AAGAB: variants seen among roughly 807,000 people sequenced by gnomAD.
AAGAB encodes the protein alpha- and gamma-adaptin-binding protein p34.
AAGAB carries 38 observed loss-of-function variants against 44.1 expected under a neutral mutation model. That is an observed-to-expected ratio of 0.86 (90% CI 0.67 to 1.13). The LOEUF is 1.13. Among genes scored for constraint, AAGAB ranks in the 50% most tolerant of loss-of-function variants. The pLI, the probability that AAGAB is intolerant of heterozygous loss-of-function variation, is 0.00. For synonymous variants in AAGAB, 131 were observed against 131.8 expected (o/e 0.99, Z 0.04); for missense variants, 450 against 373.8 (o/e 1.20, Z -1.68).
chr15:67,249,228 T>C (rs1964802711), intron 1 of AAGAB, among the ~76,000 whole-genome samples: 2 of 152,026 alleles, frequency 1.3e-5, no homozygotes, highest in South Asian at 4.1e-4. Context: ...AGAGATGGGG[T>C]TTCACTATGT....
chr15:67,203,281 C>A (rs951176033), intron 9 of AAGAB, among the ~76,000 whole-genome samples: 4 of 152,192 alleles, frequency 2.6e-5, no homozygotes, highest in African/African-American at 9.6e-5. Context: ...AACAAAACAA[C>A]TAAGAGTTTT....
chr15:67,236,564 T>G (rs1278617504), intron 2 of AAGAB, 60 bp from the exon 3 acceptor site: 2 of 1,602,626 alleles, frequency 1.2e-6, no homozygotes, highest in Non-Finnish European at 1.7e-6. Context: ...AGACAAAATG[T>G]AATGGGAAAA....
chr15:67,250,331 C>T (rs984907449), intron 1 of AAGAB, among the ~76,000 whole-genome samples: 4 of 152,104 alleles, frequency 2.6e-5, no homozygotes, highest in African/African-American at 7.2e-5. Flanking sequence ...CACGCACCAC[C>T]GTGCCCAGCT....
Position 67,254,628 on chromosome 15 carries a change from C to T in AAGAB, c.4G>A (p.Ala2Thr), listed in dbSNP as rs369542537. Residue 2 changes from alanine to threonine, a missense_variant, in exon 1 of 10, where the codon GCT (alanine) becomes ACT (threonine). By Grantham distance (58) the Ala-to-Thr change is moderately conservative. Coordinates refer to ENST00000261880, the MANE Select transcript of AAGAB (RefSeq NM_024666.5). M[A>T]AGVPCALVTS... is the part of the protein sequence containing the mutation. ...ACTAACGCACAGGGTACGCCAGCAGCCATAGCTGCGCTCGCGAGCCGGTTC... is the reference window on the plus strand; with the variant it reads ...ACTAACGCACAGGGTACGCCAGCAGTCATAGCTGCGCTCGCGAGCCGGTTC... The T allele has an allele frequency of 2.0e-5, 32 of 1,599,406 alleles. No homozygotes were observed. The highest frequency in any genetic ancestry group is 2.6e-5 in the Non-Finnish European group (31 of 1,175,494).
At chr15:67,244,789 G>A (rs1964682479) in intron 1 of AAGAB, among the ~76,000 whole-genome samples, 1 of 151,708 alleles carries the variant, frequency 6.6e-6, no homozygotes, top group Non-Finnish European at 1.5e-5. Flanking sequence ...GGGCAAGAGA[G>A]TGAGACTCCG....
In AAGAB at chr15:67,254,615, G is replaced by C; in HGVS notation, c.17C>G (p.Pro6Arg). MAAGVPCALVTSCSSV... is the reference protein window; with the variant it reads MAAGVRCALVTSCSSV... ...GGAGCAGCTGGTGACTAACGCACAG[G>C]GTACGCCAGCAGCCATAGCTGCGCT... The change falls in exon 1 of 10, where the codon CCC becomes CGC. Residue 6 changes from proline to arginine, a missense_variant. By Grantham distance (103) the Pro-to-Arg change is moderately radical (BLOSUM62 -2). Transcript: ENST00000261880. 4 of 1,606,296 alleles carry C rather than the reference G, an allele frequency of 2.5e-6. No homozygotes were observed. Among genetic ancestry groups the C allele is most frequent in the Non-Finnish European group, 3.4e-6 (4 of 1,178,048 alleles).
chr15:67,253,127 T>C (rs1964916324), intron 1 of AAGAB, among the ~76,000 whole-genome samples: 1 of 152,122 alleles, frequency 6.6e-6, no homozygotes, highest in South Asian at 2.1e-4. Context: ...ATTTTATAGA[T>C]AGAAGGTGAA....
At chr15:67,243,621 T>C (rs990889097) in intron 1 of AAGAB, among the ~76,000 whole-genome samples, 2 of 152,160 alleles carry the variant, frequency 1.3e-5, no homozygotes, top group African/African-American at 4.8e-5. Flanking sequence ...CAAGGAATTG[T>C]CTGGGCCAAA....
Position 67,250,538 on chromosome 15 carries a change from T to A in AAGAB, c.73+4021A>T, listed in dbSNP as rs139342424. ...AGGAACAGTATCTTAGGCATTATTT[T>A]AGCTGCAGTAACTGGAACAGAGACT... On this transcript the variant is annotated intron_variant, in intron 1 of 9. Transcript: ENST00000261880. 3.7e-3 allele frequency among the ~76,000 whole-genome samples: 567 copies of A among 152,306 alleles called. 4 individuals carry two copies. The highest frequency in any genetic ancestry group is 0.01 in the Middle Eastern group (3 of 294).
chr15:67,203,547 C>T lies in AAGAB; in HGVS notation c.870+1G>A, dbSNP rs753247583. On this transcript the variant is annotated splice_donor_variant, in intron 9 of 9. Coordinates refer to ENST00000261880, the MANE Select transcript of AAGAB (RefSeq NM_024666.5). LOFTEE classifies it high-confidence loss of function. The stretch of plus-strand genomic sequence containing the variant: ...AATAAATACCTGGCTGATTGTCTCA[C>T]CTTTTCTGCATGCACTTTTCTTTGC... 5.5e-5 allele frequency: 89 copies of T among 1,613,342 alleles called. No homozygotes were observed. Among genetic ancestry groups the T allele is most frequent in the Non-Finnish European group, 7.2e-5 (85 of 1,179,660 alleles).
chr15:67,228,409 CAGAG>C (rs1290312535), intron 5 of AAGAB, among the ~76,000 whole-genome samples: 3 of 152,036 alleles, frequency 2.0e-5, no homozygotes, highest in Non-Finnish European at 2.9e-5. Flanking sequence ...GTTCTGGTAA[CAGAG>C]AGATAACCAC....
At chr15:67,237,638 C>A (rs1460633781) in intron 1 of AAGAB, among the ~76,000 whole-genome samples, 2 of 152,154 alleles carry the variant, frequency 1.3e-5, no homozygotes, top group East Asian at 1.9e-4. Context: ...GTATTTACAA[C>A]TGGAAGAGAA....
In AAGAB at chr15:67,236,837, A is replaced by G; in HGVS notation, c.74-17T>C. ...CAAGGATATCTAAAAATAAATGACA[A>G]CATTACCATGTAAAGTGCAAAACCA... On this transcript the variant is annotated splice_polypyrimidine_tract_variant and intron_variant, in intron 1 of 9. Transcript: ENST00000261880. 1 of 1,586,124 alleles carries G rather than the reference A, an allele frequency of 6.3e-7. No homozygotes were observed. Among genetic ancestry groups the G allele is most frequent in the Non-Finnish European group, 8.6e-7 (1 of 1,164,340 alleles).
intron 5 of AAGAB, among the ~76,000 whole-genome samples, chr15:67,211,150 G>A (rs1963809843): frequency 6.6e-6 from 1 of 152,198 alleles, no homozygotes; most frequent in Non-Finnish European, 1.5e-5. Flanking sequence ...GTAGCCTGCA[G>A]ATTTCTGGAG....
chr15:67,221,422 G>A (rs755456061), intron 5 of AAGAB, among the ~76,000 whole-genome samples: 11 of 152,282 alleles, frequency 7.2e-5, no homozygotes, highest in Non-Finnish European at 1.6e-4. Context: ...GCAATTAATT[G>A]CTTCTAGGAC....
chr15:67,244,003 T>A (rs1332573700), intron 1 of AAGAB, among the ~76,000 whole-genome samples: 3 of 152,214 alleles, frequency 2.0e-5, no homozygotes, highest in Non-Finnish European at 4.4e-5. Flanking sequence ...AATTTTCATA[T>A]TCAAATGGTA....
chr15:67,229,267 T>C (rs1964277525), intron 5 of AAGAB, among the ~76,000 whole-genome samples: 1 of 151,974 alleles, frequency 6.6e-6, no homozygotes, highest in African/African-American at 2.4e-5. Flanking sequence ...CCCCCGTCTC[T>C]ACTAAAAATA....
In AAGAB at chr15:67,201,041, C is replaced by A. The variant is rs1963558660; in HGVS notation, c.*1780G>T. On this transcript the variant is annotated 3_prime_UTR_variant, in exon 10 of 10. Transcript: ENST00000261880. ...ACATTAGCACAGTTTATAAATAAAT[C>A]ACATTTTAATCATCTGGCTTTGTTT... The A allele has an allele frequency of 6.6e-6, 1 of 152,302 alleles. No homozygotes were observed. The highest frequency in any genetic ancestry group is 1.5e-5 in the Non-Finnish European group (1 of 68,028). The allele number at this position is 152,302 out of a possible 1,614,324, so 9.4% of individuals were successfully genotyped here. A position where few individuals can be genotyped will look rare whatever the true frequency, so the allele number is the denominator to read the frequency against.
chr15:67,227,909 T>C (rs1964241330), intron 5 of AAGAB, among the ~76,000 whole-genome samples: 1 of 152,182 alleles, frequency 6.6e-6, no homozygotes, highest in Admixed American at 6.5e-5. Flanking sequence ...AGTATTTTGT[T>C]TTTTGGTTAA....
Sources: gnomAD v4.1 joint callset for allele counts (sites outside exome capture counted in the v4.1 genomes callset) on GRCh38, gnomAD v4.1.1 for gene constraint, MANE v1.5 for transcripts, NCBI Gene and HGNC (gene_info 2026-07-23, HGNC 2026-07-21) for gene names.